Variants in MITF observed in about 807,000 individuals in gnomAD.
MITF encodes the protein microphthalmia-associated transcription factor.
In MITF, 17 loss-of-function variants were observed where a neutral mutation model predicts 60.5. That is an observed-to-expected ratio of 0.28 (90% CI 0.19 to 0.42). The LOEUF is 0.42. Among genes scored for constraint, MITF ranks in the 10% least tolerant of loss-of-function variants. MITF has a pLI of 1.00. For synonymous variants in MITF, 260 were observed against 248.5 expected, an observed-to-expected ratio of 1.05 and a Z score of -0.43; for missense variants, 622 against 683.5, an observed-to-expected ratio of 0.91 and a Z score of 1.00.
chr3:69,839,830 G>A (rs1232314576), intron 1 of MITF, among the ~76,000 whole-genome samples: 1 of 151,512 alleles, frequency 6.6e-6, no homozygotes, highest in Non-Finnish European at 1.5e-5. Context: ...AAAAATGAAA[G>A]CATTTATGTT....
chr3:69,764,006 G>A, intron 1 of MITF: 1 of 1,204,798 alleles, frequency 8.3e-7, no homozygotes, highest in Non-Finnish European at 1.1e-6. Flanking sequence ...TTTTTTAAGG[G>A]ATGTCAATCT....
At chr3:69,757,356 G>C (rs1704190339) in intron 1 of MITF, among the ~76,000 whole-genome samples, 1 of 152,140 alleles carries the variant, frequency 6.6e-6, no homozygotes, top group Non-Finnish European at 1.5e-5. Flanking sequence ...TTCCCATTCA[G>C]AGTTTTATAA....
chr3:69,966,670 C>T lies in MITF; in HGVS notation c.*1422C>T, dbSNP rs1349509400. On this transcript the variant is annotated 3_prime_UTR_variant, in exon 10 of 10. Transcript: ENST00000352241. The stretch of plus-strand genomic sequence containing the variant: ...AAAGTTAGTTTCAGTGCATTATCTA[C>T]TTGTGTAGTCCTATGCAATAACAGT... 3 of 232,866 alleles carry T rather than the reference C, an allele frequency of 1.3e-5. No individual in the cohort carries two copies. Among genetic ancestry groups the T allele is most frequent in the Non-Finnish European group, 1.7e-5 (2 of 117,672 alleles). 14.4% of individuals were successfully genotyped at this position (232,866 alleles called of 1,614,324 possible).
At chr3:69,770,582 T>A (rs1382269031) in intron 1 of MITF, among the ~76,000 whole-genome samples, 1 of 152,226 alleles carries the variant, frequency 6.6e-6, no homozygotes, top group Non-Finnish European at 1.5e-5. Flanking sequence ...AAGAGTGAGA[T>A]CCTTTCAATT....
intron 1 of MITF, among the ~76,000 whole-genome samples, chr3:69,800,540 C>A (rs985068958): frequency 1.3e-5 from 2 of 152,122 alleles, no homozygotes; most frequent in Admixed American, 1.3e-4. Context: ...CCATGCTGTT[C>A]TTACAGCAGG....
intron 1 of MITF, among the ~76,000 whole-genome samples, chr3:69,799,017 GAT>G (rs1303781600): frequency 6.6e-6 from 1 of 152,170 alleles, no homozygotes; most frequent in Non-Finnish European, 1.5e-5. Context: ...CCTAGGTTCT[GAT>G]ACAGCAGAGA....
At chr3:69,918,059 T>G (rs1164368916) in intron 2 of MITF, among the ~76,000 whole-genome samples, 1 of 152,080 alleles carries the variant, frequency 6.6e-6, no homozygotes, top group Non-Finnish European at 1.5e-5. Context: ...TTATGGGTTT[T>G]GGGGTTTTGT....
chr3:69,815,540 G>A (rs943232447), intron 1 of MITF, among the ~76,000 whole-genome samples: 4 of 151,782 alleles, frequency 2.6e-5, no homozygotes, highest in East Asian at 1.9e-4. Flanking sequence ...TCTTTTCTCC[G>A]GCTTACTTTA....
At chr3:69,833,879 C>T (rs913858507) in intron 1 of MITF, among the ~76,000 whole-genome samples, 4 of 152,204 alleles carry the variant, frequency 2.6e-5, no homozygotes, top group African/African-American at 9.7e-5. Flanking sequence ...TTCCTTCAGC[C>T]TCTATTACTG....
At chr3:69,906,295 G>A (rs1014667898) in intron 2 of MITF, among the ~76,000 whole-genome samples, 16 of 151,960 alleles carry the variant, frequency 1.1e-4, no homozygotes, top group Non-Finnish European at 1.5e-5. Context: ...TAGAATCTCT[G>A]TCCTGGTCTG....
intron 1 of MITF, among the ~76,000 whole-genome samples, chr3:69,807,997 CTT>C (rs1454438523): frequency 6.7e-6 from 1 of 149,848 alleles, no homozygotes; most frequent in Non-Finnish European, 1.5e-5. Context: ...AATATATAGA[CTT>C]AACAGGTCAG....
At chr3:69,753,665 G>A (rs960294098) in intron 1 of MITF, among the ~76,000 whole-genome samples, 1 of 152,234 alleles carries the variant, frequency 6.6e-6, no homozygotes, top group Non-Finnish European at 1.5e-5. Context: ...AGCCCTGGAT[G>A]TGAGACATAG....
In MITF at chr3:69,879,207, C is replaced by T. The variant is rs774545277; in HGVS notation, c.178C>T (p.Arg60Cys). The T allele has an allele frequency of 3.7e-6, 6 of 1,614,090 alleles. No individual in the cohort carries two copies. Among genetic ancestry groups the T allele is most frequent in the Non-Finnish European group, 5.1e-6 (6 of 1,180,040 alleles). ...CAGTATGACATCACGCATCTTGCTA[C>T]GCCAGCAACTCATGCGTGAGCAGAT... ...SSSMTSRILL[R>C]QQLMREQMQE... The change falls in exon 2 of 10, where the codon CGC (arginine) becomes TGC (cysteine). Residue 60 changes from arginine to cysteine, a missense_variant. Physicochemically the swap from Arg to Cys is radical, Grantham distance 180. Around this residue, in one of 5 missense-constraint regions of MITF, gnomAD observed 149 missense variants for 157.8 expected, o/e 0.94. Transcript: ENST00000352241.
At chr3:69,800,767 A>G (rs1203358922) in intron 1 of MITF, among the ~76,000 whole-genome samples, 2 of 151,966 alleles carry the variant, frequency 1.3e-5, no homozygotes, top group African/African-American at 2.4e-5. Flanking sequence ...TGTTCTTGTC[A>G]TTTTTATTAG....
intron 1 of MITF, among the ~76,000 whole-genome samples, chr3:69,806,905 A>G (rs1559642463): frequency 6.6e-6 from 1 of 152,206 alleles, no homozygotes; most frequent in Non-Finnish European, 1.5e-5. Context: ...AAAGACAGGA[A>G]AAAAATACAA....
At chr3:69,846,816 C>CAAAA (rs375853591) in intron 1 of MITF, among the ~76,000 whole-genome samples, 83 of 100,282 alleles carry the variant, frequency 8.3e-4, no homozygotes, top group African/African-American at 3.3e-3. Context: ...GACTCTTTCT[C>CAAAA]AAAAAAAAAA....
In MITF at chr3:69,883,065, C is replaced by T. The variant is rs187486042; in HGVS notation, c.354+3682C>T. Among the ~76,000 whole-genome samples, 554 of 152,228 alleles carry T rather than the reference C, an allele frequency of 3.6e-3. 3 individuals carry two copies. Among genetic ancestry groups the T allele is most frequent in the Non-Finnish European group, 3.9e-3 (263 of 67,992 alleles). ...CAAAGTCGAAGTGTCTTCTCTGGAACGGATTGTCCCTTGAATTTTTCTGTT... is the reference window on the plus strand; with the variant it reads ...CAAAGTCGAAGTGTCTTCTCTGGAATGGATTGTCCCTTGAATTTTTCTGTT... On this transcript the variant is annotated intron_variant, in intron 2 of 9. Coordinates refer to ENST00000352241, the MANE Select transcript of MITF (RefSeq NM_001354604.2).
At chr3:69,916,735 C>T (rs1011299173) in intron 2 of MITF, among the ~76,000 whole-genome samples, 1 of 152,074 alleles carries the variant, frequency 6.6e-6, no homozygotes, top group African/African-American at 2.4e-5. Flanking sequence ...TTAACACTGA[C>T]CTCAATATTT....
chr3:69,806,752 A>C (rs2063015959), intron 1 of MITF, among the ~76,000 whole-genome samples: 1 of 152,284 alleles, frequency 6.6e-6, no homozygotes, highest in Non-Finnish European at 1.5e-5. Flanking sequence ...AAGGGGTTTA[A>C]TTCTTGCCTC....
Sources: allele counts gnomAD v4.1 joint callset (sites outside exome capture counted in the v4.1 genomes callset), GRCh38; gene constraint gnomAD v4.1.1; regional missense constraint gnomAD v4.1.1; transcripts MANE v1.5; gene names NCBI Gene and HGNC (gene_info 2026-07-23, HGNC 2026-07-21).